The following KCNAB2 variants were observed in gnomAD, a reference collection of about 807,000 sequenced individuals.
KCNAB2 encodes the protein potassium voltage-gated channel subfamily A regulatory beta subunit 2.
KCNAB2 carries 29 observed loss-of-function variants against 63.6 expected under a neutral mutation model. The ratio of observed to expected loss-of-function variants is 0.46; its 90% CI spans 0.34 to 0.62. KCNAB2 has a LOEUF of 0.62. KCNAB2 is among the 20% of genes least tolerant of loss of function. The pLI is 0.01. For synonymous variants in KCNAB2, 222 were observed against 224.2 expected (o/e 0.99, Z 0.09); for missense variants, 359 against 563.9 (o/e 0.64, Z 3.68).
chr1:6,010,581 T>C (rs1249336423), intron 1 of KCNAB2, among the ~76,000 whole-genome samples: 1 of 152,110 alleles, frequency 6.6e-6, no homozygotes, highest in African/African-American at 2.4e-5. Flanking sequence ...TTGAAGAGAG[T>C]GCCCCTGGCC....
chr1:6,095,252 C>T, intron 11 of KCNAB2, 71 bp from the exon 12 acceptor site: 1 of 1,517,528 alleles, frequency 6.6e-7, no homozygotes, highest in Non-Finnish European at 8.9e-7. Flanking sequence ...GGTGCCCTCT[C>T]CATGGCTGCC....
At chr1:6,068,293 G>T (rs748460254) in intron 2 of KCNAB2, among the ~76,000 whole-genome samples, 4 of 152,248 alleles carry the variant, frequency 2.6e-5, no homozygotes, top group Non-Finnish European at 5.9e-5. Context: ...GCACACACGT[G>T]CGTGCTGGAG....
At chr1:6,020,420 G>T (rs1222062006) in intron 1 of KCNAB2, among the ~76,000 whole-genome samples, 2 of 151,966 alleles carry the variant, frequency 1.3e-5, no homozygotes, top group Non-Finnish European at 2.9e-5. Context: ...AGCCTGAGAT[G>T]CCCCCAGCAC....
Position 6,045,927 on chromosome 1 carries a change from C to G in KCNAB2, c.-283C>G, listed in dbSNP as rs1369733063. On this transcript the variant is annotated 5_prime_UTR_variant, in exon 1 of 16. Transcript: ENST00000378083. The surrounding 1 kb of genome is among the most constrained non-coding windows in gnomAD (Gnocchi z 4.8). The stretch of plus-strand genomic sequence containing the variant: ...GGTTGCAGCACGGAACTGCACTTCC[C>G]GAGCTTTTAGGGGAAGAGGCACTCG... 2.0e-6 allele frequency: 2 copies of G among 985,434 alleles called. No homozygotes were observed. The highest frequency in any genetic ancestry group is 1.1e-4 in the East Asian group (1 of 8,812). The allele number at this position is 985,434 out of a possible 1,614,324, so 61.0% of individuals were successfully genotyped here. A position where few individuals can be genotyped will look rare whatever the true frequency, so the allele number is the denominator to read the frequency against.
upstream of KCNAB2, among the ~76,000 whole-genome samples, chr1:6,029,528 C>T (rs908805587): frequency 5.3e-5 from 8 of 152,314 alleles, no homozygotes; most frequent in African/African-American, 1.9e-4. Flanking sequence ...CCCCAGGAGT[C>T]ACACCCAGAC....
Position 6,012,827 on chromosome 1 carries a change from G to T in KCNAB2, c.-53+20039G>T, listed in dbSNP as rs1364025787. On this transcript the variant is annotated intron_variant, in intron 1 of 16. Coordinates refer to the KCNAB2 transcript ENST00000341524. ...AGAGGTGGAGGTGACAGCAGTGGTGGTCGTGAGCTGTGTGTGTGTTTCTGT... is the reference window on the plus strand; with the variant it reads ...AGAGGTGGAGGTGACAGCAGTGGTGTTCGTGAGCTGTGTGTGTGTTTCTGT... Among the ~76,000 whole-genome samples, 5 of 152,022 alleles carry T rather than the reference G, an allele frequency of 3.3e-5. No individual in the cohort carries two copies. The East Asian group carries it at 7.7e-4, about 23-fold the overall frequency.
rs1663044340 is a variant in KCNAB2 at position 6,069,771 on chromosome 1, G to A, written c.219-2984G>A. On this transcript the variant is annotated intron_variant, in intron 2 of 15. Transcript: ENST00000378083. This position sits in a 1 kb window ranked among gnomAD's most constrained non-coding sequence, Gnocchi z 5.4. ...TTCGCATCCCTTCTCCCGAGGCCTG[G>A]CAGCGGATGGCAGAACCAATACCAT... Among the ~76,000 whole-genome samples the A allele has an allele frequency of 6.6e-6, 1 of 152,220 alleles. No individual in the cohort carries two copies. The highest frequency in any genetic ancestry group is 1.5e-5 in the Non-Finnish European group (1 of 68,044).
At position 6,035,272 on chromosome 1, in the gene KCNAB2, T is replaced by C. The variant is rs559244768; in HGVS notation, c.-53+478T>C. 1.3e-5 allele frequency among the ~76,000 whole-genome samples: 2 copies of C among 152,056 alleles called. No homozygotes were observed. The highest frequency in any genetic ancestry group is 4.1e-4 in the South Asian group (2 of 4,824). On this transcript the variant is annotated intron_variant, in intron 1 of 15. Coordinates refer to the KCNAB2 transcript ENST00000164247. This position sits in a 1 kb window ranked among gnomAD's most constrained non-coding sequence, Gnocchi z 5.0. ...TCAGCGGGGGATGTGGCTAGAAAGG[T>C]TGTGGACCCACTGTTGAGATTGGAC...
intron 4 of KCNAB2, among the ~76,000 whole-genome samples, chr1:6,080,414 G>A (rs1481777748): frequency 1.3e-5 from 2 of 152,180 alleles, no homozygotes; most frequent in African/African-American, 4.8e-5. Context: ...TCCCTCGGGC[G>A]GCGGATGCAT....
intron 1 of KCNAB2, among the ~76,000 whole-genome samples, chr1:5,999,492 G>A (rs1317803835): frequency 6.6e-6 from 1 of 152,190 alleles, no homozygotes; most frequent in Non-Finnish European, 1.5e-5. Flanking sequence ...TGAAAGCTCC[G>A]GCGAGAAGGG....
rs191819431 is a variant in KCNAB2 at position 6,045,986 on chromosome 1, C to T, written c.-224C>T. On this transcript the variant is annotated 5_prime_UTR_variant, in exon 1 of 16. In the 5' UTR this introduces an upstream ATG that the reference lacks. Transcript: ENST00000378083. The surrounding 1 kb of genome is among the most constrained non-coding windows in gnomAD (Gnocchi z 4.8). ...TCAGCCTCTTTCACTGAGATGAAAA[C>T]GCCCTAATAGAACTAATGGACTCGC... 2.4e-5 allele frequency: 24 copies of T among 985,390 alleles called. No individual in the cohort carries two copies. In the Admixed American group the frequency reaches 8.6e-4, roughly 35 times the overall value. 61.0% of individuals were successfully genotyped at this position (985,390 alleles called of 1,614,324 possible).
chr1:6,071,848 C>CA lies in KCNAB2; in HGVS notation c.219-907_219-906insA, dbSNP rs777949603. On this transcript the variant is annotated intron_variant, in intron 2 of 15. Transcript: ENST00000378083. The surrounding 1 kb of genome is among the most constrained non-coding windows in gnomAD (Gnocchi z 8.5). ...CTGCCGCATAGGGCACCTCCTGCCG[C>CA]GAGGGCACCTCCTGCCGCGTGGGCT... 2.0e-3 allele frequency among the ~76,000 whole-genome samples: 298 copies of CA among 149,338 alleles called. No individual in the cohort carries two copies. The highest frequency in any genetic ancestry group is 7.0e-3 in the African/African-American group (285 of 40,496).
chr1:6,019,551 C>T lies in KCNAB2; in HGVS notation c.-52-20966C>T, dbSNP rs920351289. 3.9e-5 allele frequency among the ~76,000 whole-genome samples: 6 copies of T among 152,078 alleles called. No individual in the cohort carries two copies. The East Asian group carries it at 5.8e-4, about 15-fold the overall frequency. ...CTGATGTTCCAGAGAGAAACTGTGC[C>T]GAATGATGGCTAATTAAGGCTCTGG... On this transcript the variant is annotated intron_variant, in intron 1 of 16. Transcript: ENST00000341524.
At chr1:6,062,088 G>A (rs933577189) in intron 2 of KCNAB2, among the ~76,000 whole-genome samples, 3 of 152,156 alleles carry the variant, frequency 2.0e-5, no homozygotes, top group Non-Finnish European at 2.9e-5. Context: ...CAAGGCAGGC[G>A]GATCGCCTGA....
At chr1:5,993,775 C>T (rs1451366930) in intron 1 of KCNAB2, among the ~76,000 whole-genome samples, 1 of 152,218 alleles carries the variant, frequency 6.6e-6, no homozygotes, top group African/African-American at 2.4e-5. Flanking sequence ...CTTTCCTGCT[C>T]AGCCTCACTT....
chr1:6,046,041 A>G lies in KCNAB2; in HGVS notation c.-169A>G. ...TCAAAACTCGACTCTGGTGGGACTC[A>G]TCTCATTCACCAATTGCTTCTGACG... On this transcript the variant is annotated 5_prime_UTR_variant, in exon 1 of 16. Coordinates refer to ENST00000378083, the MANE Select transcript of KCNAB2 (RefSeq NM_001199862.2). 1.0e-6 allele frequency: 1 copy of G among 985,492 alleles called. No homozygotes were observed. Among genetic ancestry groups the G allele is most frequent in the Non-Finnish European group, 1.2e-6 (1 of 829,944 alleles). The allele number at this position is 985,492 out of a possible 1,614,324, so 61.0% of individuals were successfully genotyped here. A position where few individuals can be genotyped will look rare whatever the true frequency, so the allele number is the denominator to read the frequency against.
chr1:6,013,631 A>G (rs962445759), intron 1 of KCNAB2, among the ~76,000 whole-genome samples: 12 of 152,064 alleles, frequency 7.9e-5, no homozygotes, highest in Admixed American at 2.0e-4. Context: ...CTGGAAACCC[A>G]GGAGCCACCT....
intron 1 of KCNAB2, among the ~76,000 whole-genome samples, chr1:6,000,284 A>T (rs968099858): frequency 1.3e-5 from 2 of 152,238 alleles, no homozygotes; most frequent in Admixed American, 6.5e-5. Context: ...GCCCGGAGCC[A>T]TGTTGTCCCT....
intron 1 of KCNAB2, among the ~76,000 whole-genome samples, chr1:6,008,556 G>T (rs1193437717): frequency 1.3e-5 from 2 of 151,276 alleles, no homozygotes; most frequent in East Asian, 3.9e-4. Context: ...GGGTGGCGTG[G>T]TGGAAGTTGC....
Sources: allele counts gnomAD v4.1 joint callset (sites outside exome capture counted in the v4.1 genomes callset), GRCh38; gene constraint gnomAD v4.1.1; non-coding constraint Gnocchi (gnomAD v3.1); transcripts MANE v1.5; gene names NCBI Gene and HGNC (gene_info 2026-07-23, HGNC 2026-07-21).